PINX1: variants seen among roughly 807,000 people sequenced by gnomAD.
The protein encoded by PINX1 is PIN2 (TERF1) interacting telomerase inhibitor 1, also known as PIN2/TERF1-interacting telomerase inhibitor 1.
In PINX1, 34 loss-of-function variants were observed where a neutral mutation model predicts 25.4. That is an observed-to-expected ratio of 1.34 (90% confidence interval 1.02 to 1.78). PINX1 has a LOEUF of 1.78. Among genes scored for constraint, PINX1 ranks in the 40% most tolerant of loss-of-function variants. The probability of loss-of-function intolerance (pLI) is 0.00; values close to 1 mark genes in which losing one functional copy is unlikely to be tolerated. For synonymous variants in PINX1, 197 were observed against 147.7 expected, an observed-to-expected ratio of 1.33 and a Z score of -2.42; for missense variants, 592 against 404.9, an observed-to-expected ratio of 1.46 and a Z score of -3.97.
intron 2 of PINX1, among the ~76,000 whole-genome samples, chr8:10,833,996 G>A (rs1367699188): frequency 6.6e-6 from 1 of 152,168 alleles, no homozygotes; most frequent in Non-Finnish European, 1.5e-5. Context: ...AGAGCTCAGA[G>A]GACAGAACTG....
At chr8:10,826,460 T>C (rs188707163) in intron 4 of PINX1, among the ~76,000 whole-genome samples, 5 of 152,360 alleles carry the variant, frequency 3.3e-5, no homozygotes, top group Admixed American at 1.3e-4. Context: ...TTGCATACTA[T>C]GGATCAGGCC....
intron 6 of PINX1, among the ~76,000 whole-genome samples, chr8:10,813,265 C>T (rs935812491): frequency 6.6e-6 from 1 of 152,014 alleles, no homozygotes; most frequent in African/African-American, 2.4e-5. Context: ...GAAGGGGGAT[C>T]CACCTCCTAT....
chr8:10,805,777 T>G (rs28434571), intron 6 of PINX1, among the ~76,000 whole-genome samples: 10,677 of 52,348 alleles, frequency 0.2, 2,417 homozygotes, highest in African/African-American at 0.25. Flanking sequence ...TAGTGCTGAG[T>G]GGGTGGCAGA....
chr8:10,836,100 T>C (rs73662641), intron 1 of PINX1, among the ~76,000 whole-genome samples: 1,656 of 152,098 alleles, frequency 0.011, 45 homozygotes, highest in African/African-American at 0.038. Context: ...GCCCATCTCA[T>C]CACATAATTA....
chr8:10,768,621 G>C (rs1228597801), intron 6 of PINX1, among the ~76,000 whole-genome samples: 1 of 152,202 alleles, frequency 6.6e-6, no homozygotes, highest in African/African-American at 2.4e-5. Flanking sequence ...TGACTGGCTA[G>C]AGAGAGCTGC....
intron 6 of PINX1, among the ~76,000 whole-genome samples, chr8:10,809,461 C>T (rs1391788568): frequency 6.6e-6 from 1 of 152,200 alleles, no homozygotes; most frequent in Non-Finnish European, 1.5e-5. Context: ...GAAAATATAG[C>T]TCTGTAATGC....
intron 5 of PINX1, among the ~76,000 whole-genome samples, chr8:10,820,508 T>C (rs186916697): frequency 6.6e-6 from 1 of 152,358 alleles, no homozygotes; most frequent in Non-Finnish European, 1.5e-5. Context: ...CTCTTAATTG[T>C]AGAAACAACC....
intron 6 of PINX1, among the ~76,000 whole-genome samples, chr8:10,819,622 T>G (rs550213138): frequency 6.6e-6 from 1 of 152,204 alleles, no homozygotes; most frequent in Non-Finnish European, 1.5e-5. Flanking sequence ...AATTATGGAG[T>G]TCATTCCATT....
At chr8:10,833,092 G>C in intron 2 of PINX1, 108 bp from the exon 3 acceptor site, 1 of 630,860 alleles carries the variant, frequency 1.6e-6, no homozygotes, top group East Asian at 2.9e-5. Context: ...CTGAGTTGAT[G>C]ATTCTCTCCA....
intron 6 of PINX1, among the ~76,000 whole-genome samples, chr8:10,770,544 C>T (rs1353694524): frequency 2.0e-5 from 3 of 152,216 alleles, no homozygotes; most frequent in African/African-American, 4.8e-5. Context: ...TCTGCAGCTA[C>T]ATGAGTGAGT....
chr8:10,788,004 G>A (rs966399343), intron 6 of PINX1, among the ~76,000 whole-genome samples: 1 of 152,184 alleles, frequency 6.6e-6, no homozygotes, highest in Non-Finnish European at 1.5e-5. Flanking sequence ...CTGAGAAACT[G>A]TGGTTAATGT....
chr8:10,833,176 T>C (rs555840540), intron 2 of PINX1, among the ~76,000 whole-genome samples, 192 bp from the exon 3 acceptor site: 83 of 152,280 alleles, frequency 5.5e-4, no homozygotes, highest in African/African-American at 2.0e-3. Context: ...TCTGTAAGAT[T>C]TTCCAGGTAA....
intron 6 of PINX1, among the ~76,000 whole-genome samples, chr8:10,770,245 C>G (rs1801181866): frequency 6.6e-6 from 1 of 152,224 alleles, no homozygotes; most frequent in Admixed American, 6.5e-5. Flanking sequence ...GTTTCCTCAT[C>G]AGCAACAGGT....
At chr8:10,825,310 G>C (rs1798001221) in intron 5 of PINX1, 1 of 534,284 alleles carries the variant, frequency 1.9e-6, no homozygotes, top group Non-Finnish European at 3.8e-6. Context: ...TGCTGTTCCT[G>C]GCATATCAAG....
intron 6 of PINX1, among the ~76,000 whole-genome samples, chr8:10,814,864 T>C (rs1797651912): frequency 1.3e-5 from 2 of 152,146 alleles, no homozygotes; most frequent in South Asian, 2.1e-4. Flanking sequence ...ACAAAAATCC[T>C]CTCTAAGGTG....
intron 5 of PINX1, among the ~76,000 whole-genome samples, 164 bp downstream of exon 5, chr8:10,825,988 G>T (rs571774646): frequency 6.6e-6 from 1 of 152,234 alleles, no homozygotes; most frequent in African/African-American, 2.4e-5. Context: ...AAGATCCTCA[G>T]GCACACCACA....
At chr8:10,834,554 C>G in intron 2 of PINX1, 112 bp downstream of exon 2, 4 of 1,421,400 alleles carry the variant, frequency 2.8e-6, no homozygotes, top group Non-Finnish European at 1.9e-6. Context: ...GGATCAAAAT[C>G]ACTTACTGAT....
chr8:10,789,194 G>T (rs1234064194), intron 6 of PINX1, among the ~76,000 whole-genome samples: 4 of 152,238 alleles, frequency 2.6e-5, no homozygotes, highest in African/African-American at 7.2e-5. Flanking sequence ...AACTGACCAT[G>T]TAACTACAGT....
chr8:10,828,637 T>C (rs1296539752), intron 4 of PINX1, among the ~76,000 whole-genome samples: 1 of 152,188 alleles, frequency 6.6e-6, no homozygotes, highest in Non-Finnish European at 1.5e-5. Flanking sequence ...CTTCTCAGCA[T>C]GCAGGTATCA....
Sources: allele counts gnomAD v4.1 joint callset (sites outside exome capture counted in the v4.1 genomes callset), GRCh38; gene constraint gnomAD v4.1.1; transcripts MANE v1.5; gene names NCBI Gene and HGNC (gene_info 2026-07-23, HGNC 2026-07-21).